Variants in SLC38A10 observed in about 807,000 individuals in gnomAD.
SLC38A10 encodes the protein solute carrier family 38 member 10, also known as Sodium-coupled neutral amino acid transporter 10.
In SLC38A10, 53 loss-of-function variants were observed where a neutral mutation model predicts 81.0. The ratio of observed to expected loss-of-function variants is 0.65; its 90% CI spans 0.53 to 0.82. The LOEUF is 0.82. Ranked by LOEUF, SLC38A10 falls within the 40% of genes least tolerant of loss-of-function variation. The probability of loss-of-function intolerance (pLI) is 0.00; values close to 1 mark genes in which losing one functional copy is unlikely to be tolerated. For synonymous variants in SLC38A10, 665 were observed against 655.3 expected, an observed-to-expected ratio of 1.01 and a Z score of -0.23; for missense variants, 1,471 against 1,545.0, an observed-to-expected ratio of 0.95 and a Z score of 0.80.
chr17:81,293,525 G>A (rs946030944), intron 1 of SLC38A10, among the ~76,000 whole-genome samples: 1 of 151,988 alleles, frequency 6.6e-6, no homozygotes, highest in Non-Finnish European at 1.5e-5. Flanking sequence ...AGGCTGGAGT[G>A]CAGTGGTGCA....
intron 10 of SLC38A10, among the ~76,000 whole-genome samples, chr17:81,266,386 G>A (rs971875614): frequency 2.8e-4 from 43 of 152,174 alleles, no homozygotes; most frequent in African/African-American, 8.9e-4. Context: ...TTGGGAGGCC[G>A]AGGCGGGCGG....
chr17:81,252,232 G>C lies in SLC38A10; in HGVS notation c.1908C>G (p.Ala636=). 1.3e-6 allele frequency: 2 copies of C among 1,541,824 alleles called. No homozygotes were observed. Among genetic ancestry groups the C allele is most frequent in the Non-Finnish European group, 1.7e-6 (2 of 1,147,190 alleles). The change falls in exon 13 of 16, where the codon GCC becomes GCG. Residue 636 remains alanine (A), a synonymous_variant. Coordinates refer to ENST00000374759, the MANE Select transcript of SLC38A10 (RefSeq NM_001037984.3). ...CCTCTGCGGGCTGCCCTGTGTCCCCGGCGGCGTTGCCTGGCGGCGGTCCCC... is the reference window on the plus strand; with the variant it reads ...CCTCTGCGGGCTGCCCTGTGTCCCCCGCGGCGTTGCCTGGCGGCGGTCCCC... ...AKGGPPPGNA[A]GDTGQPAEDS... is the part of the protein sequence containing the mutation.
At position 81,252,460 on chromosome 17, in the gene SLC38A10, C is replaced by A; in HGVS notation, c.1680G>T (p.Arg560Ser). The A allele has an allele frequency of 6.2e-6, 10 of 1,613,318 alleles. No homozygotes were observed. Among genetic ancestry groups the A allele is most frequent in the Non-Finnish European group, 6.8e-6 (8 of 1,179,992 alleles). Reference sequence around the variant, plus strand: ...CCTCCAAGGCCTGGGCCTGTCCAGGCCTCTTCCCAACCTCTCCCTGCTCCG... The same window carrying A: ...CCTCCAAGGCCTGGGCCTGTCCAGGACTCTTCCCAACCTCTCCCTGCTCCG... ...QEPEQGEVGK[R>S]PGQAQALEEA... The change falls in exon 13 of 16, where the codon AGG becomes AGT. Residue 560 changes from arginine (R) to serine (S), a missense_variant. Coordinates refer to ENST00000374759, the MANE Select transcript of SLC38A10 (RefSeq NM_001037984.3).
chr17:81,245,318 G>A lies in SLC38A10; in HGVS notation c.*238C>T, dbSNP rs1221242987. Reference sequence around the variant, plus strand: ...CCTCACAGGCTGGAGTGAGCTCAGAGTCTAGAGGTCAGAGGACCTCAGACT... The same window carrying A: ...CCTCACAGGCTGGAGTGAGCTCAGAATCTAGAGGTCAGAGGACCTCAGACT... On this transcript the variant is annotated 3_prime_UTR_variant, in exon 16 of 16. Coordinates refer to ENST00000374759, the MANE Select transcript of SLC38A10 (RefSeq NM_001037984.3). 2.0e-6 allele frequency: 1 copy of A among 512,376 alleles called. No homozygotes were observed. The highest frequency in any genetic ancestry group is 3.4e-6 in the Non-Finnish European group (1 of 297,402). The allele number at this position is 512,376 out of a possible 1,614,324, so 31.7% of individuals were successfully genotyped here. A position where few individuals can be genotyped will look rare whatever the true frequency, so the allele number is the denominator to read the frequency against.
chr17:81,250,860 G>A, intron 14 of SLC38A10: 1 of 1,042,238 alleles, frequency 9.6e-7, no homozygotes, highest in Non-Finnish European at 1.2e-6. Flanking sequence ...GAGACCCAAG[G>A]GGCGAGAAGT....
chr17:81,259,676 G>C (rs531393660), intron 11 of SLC38A10, among the ~76,000 whole-genome samples: 8 of 152,302 alleles, frequency 5.3e-5, no homozygotes, highest in African/African-American at 1.7e-4. Context: ...GGAGGCGTCA[G>C]GGTTATGGGG....
At chr17:81,287,272 TG>T (rs2063275428) in intron 2 of SLC38A10, among the ~76,000 whole-genome samples, 10 of 152,014 alleles carry the variant, frequency 6.6e-5, no homozygotes, top group Admixed American at 6.6e-4. Context: ...TATGCCTGGG[TG>T]GGGGCAGATG....
At chr17:81,267,160 G>A (rs1453783390) in intron 10 of SLC38A10, among the ~76,000 whole-genome samples, 1 of 152,146 alleles carries the variant, frequency 6.6e-6, no homozygotes, top group Non-Finnish European at 1.5e-5. Flanking sequence ...ATACATATAA[G>A]AATTTAATCT....
Position 81,283,728 on chromosome 17 carries a change from C to G in SLC38A10, c.264-226G>C, listed in dbSNP as rs1240397752. 6.6e-6 allele frequency among the ~76,000 whole-genome samples: 1 copy of G among 151,942 alleles called. No homozygotes were observed. The highest frequency in any genetic ancestry group is 1.9e-4 in the East Asian group (1 of 5,136). The stretch of plus-strand genomic sequence containing the variant: ...TCCCAGGTTCACGCCATTCTCCTGC[C>G]TCAGCCTCCCGAGTAGCTGGGAGTA... On this transcript the variant is annotated intron_variant, in intron 3 of 15. Transcript: ENST00000374759. This position sits in a 1 kb window ranked among gnomAD's most constrained non-coding sequence, Gnocchi z 4.7.
chr17:81,282,116 C>A, intron 5 of SLC38A10, 73 bp downstream of exon 5: 1 of 1,596,180 alleles, frequency 6.3e-7, no homozygotes, highest in Non-Finnish European at 8.6e-7. Flanking sequence ...TGGGCACGAG[C>A]CTGCTGTGGC....
At chr17:81,248,993 GT>G (rs1369194756) in intron 14 of SLC38A10, among the ~76,000 whole-genome samples, 1 of 152,196 alleles carries the variant, frequency 6.6e-6, no homozygotes, top group Non-Finnish European at 1.5e-5. Flanking sequence ...CACCTCGGCC[GT>G]GGGCCACGTG....
In SLC38A10 at chr17:81,246,902, T is replaced by G; in HGVS notation, c.2225A>C (p.Glu742Ala). 1 of 1,601,304 alleles carries G rather than the reference T, an allele frequency of 6.2e-7. No individual in the cohort carries two copies. The highest frequency in any genetic ancestry group is 1.1e-5 in the South Asian group (1 of 90,630). The change falls in exon 15 of 16, where the codon GAG becomes GCG. Residue 742 changes from glutamate (E) to alanine (A), a missense_variant. Coordinates refer to ENST00000374759, the MANE Select transcript of SLC38A10 (RefSeq NM_001037984.3). ...EIHQQRQEDE[E>A]DKPRQVEVHQ... ...CGGCCTACCCTGCCTGGGTTTATCC[T>G]CCTCGTCCTCCTGCCTCTGCTGGTG... is the stretch of plus-strand genomic sequence containing the variant.
intron 1 of SLC38A10, among the ~76,000 whole-genome samples, chr17:81,292,061 T>C (rs761763078): frequency 6.6e-6 from 1 of 152,070 alleles, no homozygotes; most frequent in Non-Finnish European, 1.5e-5. Context: ...ATGTCAAACT[T>C]CAATGTTTAT....
At chr17:81,290,235 CCTGGGGATTAA>C (rs1464728503) in intron 1 of SLC38A10, among the ~76,000 whole-genome samples, 1 of 152,194 alleles carries the variant, frequency 6.6e-6, no homozygotes, top group Non-Finnish European at 1.5e-5. Context: ...TACTGTGTGA[CCTGGGGATTAA>C]CTGCACCCCT....
intron 11 of SLC38A10, among the ~76,000 whole-genome samples, chr17:81,256,672 G>A (rs1277275829): frequency 1.3e-5 from 2 of 152,256 alleles, no homozygotes; most frequent in African/African-American, 4.8e-5. Context: ...CCGCTGACGT[G>A]ACTTCAAAGC....
chr17:81,253,337 C>A lies in SLC38A10; in HGVS notation c.1289-97G>T. The stretch of plus-strand genomic sequence containing the variant: ...GTTACCATATTTTCCAGCCAAATGG[C>A]AGAGTCAAAGCAGTTTCTTTTTCCT... On this transcript the variant is annotated intron_variant, in intron 11 of 15. Transcript: ENST00000374759. The surrounding 1 kb of genome is among the most constrained non-coding windows in gnomAD (Gnocchi z 4.1). The A allele has an allele frequency of 1.4e-6, 2 of 1,437,842 alleles. No homozygotes were observed. Among genetic ancestry groups the A allele is most frequent in the Non-Finnish European group, 1.9e-6 (2 of 1,069,102 alleles). 89.1% of individuals were successfully genotyped at this position (1,437,842 alleles called of 1,614,324 possible).
In SLC38A10 at chr17:81,260,172, C is replaced by G. The variant is rs1366260922; in HGVS notation, c.1288+66G>C. On this transcript the variant is annotated intron_variant, in intron 11 of 15. Transcript: ENST00000374759. ...TGAGCAGGTAAGCACAATCCTCGGA[C>G]CAGACCCAGGAGACACCCAGTGGGC... 5 of 1,518,392 alleles carry G rather than the reference C, an allele frequency of 3.3e-6. No individual in the cohort carries two copies. The South Asian group carries it at 6.5e-5, about 20-fold the overall frequency. The allele number at this position is 1,518,392 out of a possible 1,614,324, so 94.1% of individuals were successfully genotyped here. A position where few individuals can be genotyped will look rare whatever the true frequency, so the allele number is the denominator to read the frequency against.
intron 1 of SLC38A10, among the ~76,000 whole-genome samples, chr17:81,292,098 A>T (rs2063315933): frequency 6.6e-6 from 1 of 151,992 alleles, no homozygotes; most frequent in South Asian, 2.1e-4. Context: ...ATAGATCTAT[A>T]TCTATATCTA....
At chr17:81,256,390 C>G (rs923044639) in intron 11 of SLC38A10, among the ~76,000 whole-genome samples, 4 of 152,172 alleles carry the variant, frequency 2.6e-5, no homozygotes, top group African/African-American at 9.7e-5. Context: ...CACGGACGGG[C>G]GGGGAGGCCA....
Sources: allele counts gnomAD v4.1 joint callset (sites outside exome capture counted in the v4.1 genomes callset), GRCh38; gene constraint gnomAD v4.1.1; non-coding constraint Gnocchi (gnomAD v3.1); transcripts MANE v1.5; gene names NCBI Gene and HGNC (gene_info 2026-07-23, HGNC 2026-07-21).